The following LMO7 variants were observed in gnomAD, a reference collection of about 807,000 sequenced individuals.
LMO7 encodes the protein LIM domain 7.
LMO7 carries 120 observed loss-of-function variants against 206.5 expected under a neutral mutation model. That is an observed-to-expected ratio of 0.58 (90% confidence interval 0.50 to 0.68). The LOEUF (loss-of-function observed/expected upper bound fraction) is 0.68. Ranked by LOEUF, LMO7 falls within the 30% of genes least tolerant of loss-of-function variation. The pLI is 0.00. For missense variants in LMO7, 1,959 were observed against 1,957.9 expected, an observed-to-expected ratio of 1.00 and a Z score of -0.01; for synonymous variants, 706 against 681.5, an observed-to-expected ratio of 1.04 and a Z score of -0.56.
intron 4 of LMO7, among the ~76,000 whole-genome samples, chr13:75,791,166 C>T (rs556619662): frequency 2.8e-4 from 43 of 152,022 alleles, no homozygotes; most frequent in Non-Finnish European, 5.3e-4. Context: ...GCTTTTTCAT[C>T]ACATAGGCCA....
intron 3 of LMO7, among the ~76,000 whole-genome samples, chr13:75,730,143 C>T (rs9573642): frequency 2.6e-5 from 4 of 151,102 alleles, no homozygotes; most frequent in Admixed American, 6.6e-5. Flanking sequence ...CTGGCCTCAT[C>T]AAATGAGTTA....
At chr13:75,692,963 G>A (rs373773095) in intron 1 of LMO7, among the ~76,000 whole-genome samples, 2 of 152,196 alleles carry the variant, frequency 1.3e-5, no homozygotes, top group East Asian at 3.8e-4. Flanking sequence ...AGAGTTTACA[G>A]GGCACTCTGC....
At chr13:75,670,160 C>T (rs545301671) in intron 1 of LMO7, among the ~76,000 whole-genome samples, 6 of 152,258 alleles carry the variant, frequency 3.9e-5, no homozygotes, top group East Asian at 1.9e-4. Flanking sequence ...GAGAGAACTT[C>T]GATTGTTGGG....
At chr13:75,787,244 G>A (rs897351385) in intron 4 of LMO7, among the ~76,000 whole-genome samples, 4 of 152,226 alleles carry the variant, frequency 2.6e-5, no homozygotes, top group Non-Finnish European at 4.4e-5. Flanking sequence ...ACACGTCTCA[G>A]TTGTGAAGTT....
chr13:75,679,991 T>C (rs1456876278), intron 1 of LMO7, among the ~76,000 whole-genome samples: 2 of 152,232 alleles, frequency 1.3e-5, no homozygotes, highest in African/African-American at 4.8e-5. Context: ...GGTAGTTTGC[T>C]GCACCTATCA....
At chr13:75,653,352 A>G (rs909679425) in intron 1 of LMO7, among the ~76,000 whole-genome samples, 4 of 152,136 alleles carry the variant, frequency 2.6e-5, no homozygotes, top group African/African-American at 9.7e-5. Context: ...TTTCTGTGAC[A>G]TGATAATTGC....
intron 1 of LMO7, among the ~76,000 whole-genome samples, chr13:75,683,201 A>T (rs1594258021): frequency 6.6e-6 from 1 of 152,070 alleles, no homozygotes; most frequent in East Asian, 1.9e-4. Context: ...CCTTTCAAAG[A>T]GTAAAAGTTT....
intron 6 of LMO7, among the ~76,000 whole-genome samples, chr13:75,798,146 G>A (rs770632935): frequency 5.9e-5 from 9 of 152,180 alleles, no homozygotes; most frequent in South Asian, 2.1e-4. Context: ...TGAGACAGGC[G>A]GATCACCTGA....
At chr13:75,767,019 A>G (rs114281108) in intron 4 of LMO7, among the ~76,000 whole-genome samples, 3,274 of 152,250 alleles carry the variant, frequency 0.022, 85 homozygotes, top group African/African-American at 0.065. Context: ...TACTTATACC[A>G]GAATAATGAT....
chr13:75,723,973 CTTG>C (rs774171022), intron 2 of LMO7, among the ~76,000 whole-genome samples: 16 of 152,078 alleles, frequency 1.1e-4, no homozygotes, highest in Non-Finnish European at 1.8e-4. Flanking sequence ...ACTGCAACCT[CTTG>C]TTGTGGAAGG....
Position 75,805,540 on chromosome 13 carries a change from A to G in LMO7, c.976A>G (p.Lys326Glu), listed in dbSNP as rs1318061828. The G allele has an allele frequency of 1.9e-6, 3 of 1,614,010 alleles. No individual in the cohort carries two copies. Among genetic ancestry groups the G allele is most frequent in the South Asian group, 1.1e-5 (1 of 91,088 alleles). Residue 326 changes from lysine to glutamate, a missense_variant, in exon 9 of 31, where the codon AAG (lysine) becomes GAG (glutamate). Lys to Glu is a moderately conservative substitution (Grantham distance 56, BLOSUM62 1). Transcript: ENST00000377534. ...ENWPTVQGTS[K>E]SSCYLEEEKA... ...CTGGCCAACTGTACAAGGAACTTCA[A>G]AGTCCTCTTGTTATTTGGAAGAGGA... is the stretch of plus-strand genomic sequence containing the variant.
Position 75,823,802 on chromosome 13 carries a change from T to A in LMO7, c.2878T>A (p.Ser960Thr), listed in dbSNP as rs2057834276. ...ATSKATLSST[S>T]GLDLMSESGE... ...TTCTAAAGCCACATTGTCTTCCACA[T>A]CTGGTCTTGATTTAATGTCTGAATC... The change falls in exon 15 of 31, where the codon TCT becomes ACT. Residue 960 changes from serine (S) to threonine (T), a missense_variant. Ser to Thr is a moderately conservative substitution (Grantham distance 58). Transcript: ENST00000377534. The A allele has an allele frequency of 4.3e-6, 7 of 1,614,100 alleles. No homozygotes were observed. The highest frequency in any genetic ancestry group is 5.9e-6 in the Non-Finnish European group (7 of 1,179,966).
intron 2 of LMO7, among the ~76,000 whole-genome samples, chr13:75,624,573 C>T (rs546256692): frequency 6.6e-6 from 1 of 152,330 alleles, no homozygotes; most frequent in East Asian, 1.9e-4. Context: ...ATACCTGAGA[C>T]TGGGCAATTT....
At chr13:75,669,118 G>A (rs890125596) in intron 1 of LMO7, among the ~76,000 whole-genome samples, 2 of 152,156 alleles carry the variant, frequency 1.3e-5, no homozygotes, top group Admixed American at 6.5e-5. Flanking sequence ...CAAAGTAAGT[G>A]CAGTAACCAG....
chr13:75,823,634 A>C lies in LMO7; in HGVS notation c.2710A>C (p.Thr904Pro), dbSNP rs1405244724. 6.2e-7 allele frequency: 1 copy of C among 1,614,130 alleles called. No homozygotes were observed. Among genetic ancestry groups the C allele is most frequent in the Non-Finnish European group, 8.5e-7 (1 of 1,179,972 alleles). Residue 904 changes from threonine (T) to proline (P), a missense_variant, in exon 15 of 31, where the codon ACC (threonine) becomes CCC (proline). Transcript: ENST00000377534. ...IKRTPNNVVS[T>P]PAPSPDASQL... is the part of the protein sequence containing the mutation. The stretch of plus-strand genomic sequence containing the variant: ...GAGAACTCCAAACAATGTGGTCAGC[A>C]CCCCTGCACCAAGCCCGGACGCAAG...
chr13:75,647,391 G>A (rs2037126534), intron 1 of LMO7, among the ~76,000 whole-genome samples: 1 of 152,094 alleles, frequency 6.6e-6, no homozygotes, highest in Non-Finnish European at 1.5e-5. Flanking sequence ...GACTGAGCAA[G>A]TTTTGAACAT....
intron 4 of LMO7, among the ~76,000 whole-genome samples, chr13:75,788,097 T>A (rs1267835093): frequency 6.6e-6 from 1 of 152,182 alleles, no homozygotes; most frequent in Non-Finnish European, 1.5e-5. Flanking sequence ...TGAAGAGCAA[T>A]AGCCCCTTCC....
At chr13:75,823,199 TTTAGAGG>T (rs2057777138) in intron 14 of LMO7, among the ~76,000 whole-genome samples, 1 of 152,120 alleles carries the variant, frequency 6.6e-6, no homozygotes, top group Non-Finnish European at 1.5e-5. Flanking sequence ...GGTGAACTTG[TTTAGAGG>T]TTAGAGTTAC....
At chr13:75,846,775 A>G (rs1054791057) in intron 26 of LMO7, among the ~76,000 whole-genome samples, 2 of 152,194 alleles carry the variant, frequency 1.3e-5, no homozygotes, top group Non-Finnish European at 2.9e-5. Context: ...AAACTTGGTT[A>G]TACCAAAATG....
Sources: allele counts gnomAD v4.1 joint callset (sites outside exome capture counted in the v4.1 genomes callset), GRCh38; gene constraint gnomAD v4.1.1; transcripts MANE v1.5; gene names NCBI Gene and HGNC (gene_info 2026-07-23, HGNC 2026-07-21).